Variants in VPS13B observed in about 807,000 individuals in gnomAD.
The protein encoded by VPS13B is vacuolar protein sorting 13 homolog B.
In VPS13B, 285 loss-of-function variants were observed where a neutral mutation model predicts 426.4. That is an observed-to-expected ratio of 0.67 (90% CI 0.61 to 0.74). The LOEUF (loss-of-function observed/expected upper bound fraction) is 0.74, where lower values mean the gene tolerates loss of function less well. Among genes scored for constraint, VPS13B ranks in the 30% least tolerant of loss-of-function variants. VPS13B has a pLI of 0.00. For missense variants in VPS13B, 4,537 were observed against 4,782.6 expected, an observed-to-expected ratio of 0.95 and a Z score of 1.51; for synonymous variants, 1,676 against 1,676.4, an observed-to-expected ratio of 1.00 and a Z score of 0.01.
intron 19 of VPS13B, among the ~76,000 whole-genome samples, chr8:99,307,690 T>G (rs1820717750): frequency 6.6e-6 from 1 of 152,094 alleles, no homozygotes; most frequent in Non-Finnish European, 1.5e-5. Flanking sequence ...GACCATCGAT[T>G]TTGTTTATCT....
At chr8:99,199,438 T>C (rs1046458206) in intron 17 of VPS13B, among the ~76,000 whole-genome samples, 11 of 152,192 alleles carry the variant, frequency 7.2e-5, no homozygotes, top group African/African-American at 2.7e-4. Flanking sequence ...CCCAAAGTGC[T>C]GGGATTACAG....
At chr8:99,476,504 G>A (rs865961917) in intron 24 of VPS13B, among the ~76,000 whole-genome samples, 2 of 151,066 alleles carry the variant, frequency 1.3e-5, no homozygotes, top group African/African-American at 2.4e-5. Flanking sequence ...CGCAAAGAAC[G>A]CCATATCTAC....
intron 33 of VPS13B, among the ~76,000 whole-genome samples, chr8:99,600,335 ACTCT>A (rs1373283371): frequency 6.6e-6 from 1 of 152,046 alleles, no homozygotes; most frequent in Non-Finnish European, 1.5e-5. Context: ...GGGCAGGCAC[ACTCT>A]CTCACATACA....
chr8:99,455,310 G>T (rs1818396575), intron 23 of VPS13B, among the ~76,000 whole-genome samples: 1 of 152,126 alleles, frequency 6.6e-6, no homozygotes, highest in Non-Finnish European at 1.5e-5. Context: ...AATTTATAAA[G>T]AAAAGAGGTT....
intron 7 of VPS13B, among the ~76,000 whole-genome samples, chr8:99,116,439 C>G (rs2132500312): frequency 6.6e-6 from 1 of 152,014 alleles, no homozygotes. Flanking sequence ...GAATGTACTA[C>G]TTATTTATTT....
In VPS13B at chr8:99,014,046, A is replaced by G. The variant is rs544881230; in HGVS notation, c.147+111A>G. 2.3e-6 allele frequency: 3 copies of G among 1,287,008 alleles called. No homozygotes were observed. The East Asian group carries it at 9.0e-5, about 39-fold the overall frequency. 79.7% of individuals were successfully genotyped at this position (1,287,008 alleles called of 1,614,324 possible). On this transcript the variant is annotated intron_variant, in intron 2 of 61. Transcript: ENST00000357162. ...CTGTAAAAACGTAACTTTTCTACTG[A>G]TGTATTTTGAGCTACCCTGAAACAA... is the stretch of plus-strand genomic sequence containing the variant.
intron 21 of VPS13B, among the ~76,000 whole-genome samples, chr8:99,412,627 G>A (rs1038293302): frequency 6.6e-6 from 1 of 152,178 alleles, no homozygotes; most frequent in Non-Finnish European, 1.5e-5. Context: ...AGTGGTAAGA[G>A]TGGGCATCCT....
intron 20 of VPS13B, among the ~76,000 whole-genome samples, chr8:99,387,258 C>T (rs1396392875): frequency 6.6e-6 from 1 of 151,988 alleles, no homozygotes; most frequent in Non-Finnish European, 1.5e-5. Context: ...TGCTCTGTTG[C>T]CCAGGCTGAA....
intron 19 of VPS13B, among the ~76,000 whole-genome samples, chr8:99,307,558 T>G (rs938685361): frequency 2.0e-5 from 3 of 152,090 alleles, no homozygotes; most frequent in African/African-American, 7.2e-5. Context: ...CTAAATATAA[T>G]TTCATTTAGT....
At chr8:99,663,126 G>A (rs1166877140) in intron 35 of VPS13B, among the ~76,000 whole-genome samples, 4 of 152,054 alleles carry the variant, frequency 2.6e-5, no homozygotes, top group African/African-American at 9.7e-5. Flanking sequence ...TACCCCGCAA[G>A]GCATGAATTT....
At chr8:99,525,756 A>G (rs917098469) in intron 30 of VPS13B, among the ~76,000 whole-genome samples, 2 of 152,190 alleles carry the variant, frequency 1.3e-5, no homozygotes, top group South Asian at 4.1e-4. Flanking sequence ...GTATACTAGA[A>G]TTTAATAAGT....
intron 39 of VPS13B, among the ~76,000 whole-genome samples, chr8:99,753,962 T>G (rs1208387759): frequency 6.6e-6 from 1 of 152,158 alleles, no homozygotes; most frequent in Non-Finnish European, 1.5e-5. Context: ...GAATATTTCC[T>G]GTACAAAAAT....
At chr8:99,302,698 G>A (rs1820430364) in intron 19 of VPS13B, among the ~76,000 whole-genome samples, 2 of 151,960 alleles carry the variant, frequency 1.3e-5, no homozygotes, top group South Asian at 4.1e-4. Flanking sequence ...TTGTAGAGAT[G>A]GGGTTTTGCC....
At position 99,322,724 on chromosome 8, in the gene VPS13B, C is replaced by T. The variant is rs143959565; in HGVS notation, c.2824+47470C>T. 6.3e-3 allele frequency among the ~76,000 whole-genome samples: 956 copies of T among 152,162 alleles called. 8 individuals carry two copies. Among genetic ancestry groups the T allele is most frequent in the African/African-American group, 0.022 (897 of 41,500 alleles). ...GCAAGAACCTTATTTTGGTTTCTTACCCTGTTCTGTTTTGTATCTGCATTT... is the reference window on the plus strand; with the variant it reads ...GCAAGAACCTTATTTTGGTTTCTTATCCTGTTCTGTTTTGTATCTGCATTT... On this transcript the variant is annotated intron_variant, in intron 19 of 61. Transcript: ENST00000357162.
At chr8:99,485,579 A>T (rs1286423743) in intron 25 of VPS13B, among the ~76,000 whole-genome samples, 1 of 152,216 alleles carries the variant, frequency 6.6e-6, no homozygotes, top group Non-Finnish European at 1.5e-5. Flanking sequence ...TTTCCTACAT[A>T]TGCAATGATA....
At chr8:99,150,094 C>G (rs918694082) in intron 14 of VPS13B, among the ~76,000 whole-genome samples, 113 of 152,138 alleles carry the variant, frequency 7.4e-4, no homozygotes, top group African/African-American at 2.6e-3. Context: ...TATTTTTGCT[C>G]CCTACTGGCC....
chr8:99,221,043 G>GT (rs1472310325), intron 17 of VPS13B, among the ~76,000 whole-genome samples: 1 of 97,954 alleles, frequency 1.0e-5, no homozygotes, highest in Non-Finnish European at 2.0e-5. Context: ...GCGGTGTTTG[G>GT]TTTTTTGTTC....
At chr8:99,365,653 A>C (rs1221364317) in intron 19 of VPS13B, among the ~76,000 whole-genome samples, 1 of 151,120 alleles carries the variant, frequency 6.6e-6, no homozygotes, top group Admixed American at 6.6e-5. Flanking sequence ...AGTAGCTGGG[A>C]CTACAGGTGC....
rs575724419 is a variant in VPS13B, at chr8:99,391,263, G to A, written c.2935-294G>A. 2.0e-5 allele frequency among the ~76,000 whole-genome samples: 3 copies of A among 151,658 alleles called. No individual in the cohort carries two copies. The South Asian group carries it at 6.3e-4, about 32-fold the overall frequency. On this transcript the variant is annotated intron_variant, in intron 20 of 61. Coordinates refer to ENST00000357162, the MANE Select transcript of VPS13B (RefSeq NM_152564.5). ...TCTTACTAAAACTTACATTTTCTGG[G>A]TACTTACAGGCTCTTTGGTTTTCAC...
Sources: gnomAD v4.1 joint callset for allele counts (sites outside exome capture counted in the v4.1 genomes callset) on GRCh38, gnomAD v4.1.1 for gene constraint, MANE v1.5 for transcripts, NCBI Gene and HGNC (gene_info 2026-07-23, HGNC 2026-07-21) for gene names.